SPATA13: variants seen among roughly 807,000 people sequenced by gnomAD.
SPATA13 encodes spermatogenesis associated 13, also known as spermatogenesis-associated protein 13.
SPATA13 carries 50 observed loss-of-function variants against 104.0 expected under a neutral mutation model. The ratio of observed to expected loss-of-function variants is 0.48; its 90% CI spans 0.38 to 0.61. The LOEUF (loss-of-function observed/expected upper bound fraction) is 0.61. SPATA13 is among the 20% of genes least tolerant of loss of function. The pLI, the probability that SPATA13 is intolerant of heterozygous loss-of-function variation, is 0.00. For missense variants in SPATA13, 1,524 were observed against 1,690.6 expected (o/e 0.90, Z 1.73); for synonymous variants, 606 against 667.5 (o/e 0.91, Z 1.42).
At chr13:24,212,850 C>T (rs1354661000) in intron 1 of SPATA13, among the ~76,000 whole-genome samples, 1 of 152,218 alleles carries the variant, frequency 6.6e-6, no homozygotes, top group East Asian at 1.9e-4. Flanking sequence ...GTGTTATTGA[C>T]CCCTGAAGTT....
At chr13:24,217,509 G>A (rs183757604) in intron 1 of SPATA13, among the ~76,000 whole-genome samples, 27 of 152,284 alleles carry the variant, frequency 1.8e-4, no homozygotes, top group African/African-American at 6.3e-4. Flanking sequence ...AATAAGACAA[G>A]GCTTCTGCCT....
intron 1 of SPATA13, among the ~76,000 whole-genome samples, chr13:24,195,156 T>G (rs1187747041): frequency 1.3e-5 from 2 of 152,176 alleles, no homozygotes; most frequent in Non-Finnish European, 2.9e-5. Flanking sequence ...GCCTCCTGTC[T>G]CTATGGATTT....
intron 3 of SPATA13, among the ~76,000 whole-genome samples, chr13:24,031,627 A>G (rs1877484945): frequency 6.6e-6 from 1 of 152,234 alleles, no homozygotes; most frequent in Non-Finnish European, 1.5e-5. Flanking sequence ...AGGTCAAACA[A>G]TGAACATACA....
intron 4 of SPATA13, among the ~76,000 whole-genome samples, chr13:24,268,217 A>G (rs1035160332): frequency 2.6e-5 from 4 of 152,230 alleles, no homozygotes; most frequent in Admixed American, 2.6e-4. Flanking sequence ...GGATATCCAA[A>G]AGGTAGATAC....
rs537572276 is a variant in SPATA13, at chr13:24,139,849, C to T, written c.-111-82970C>T. Reference sequence around the variant, plus strand: ...TTGGGAGGCCAAGGAGGGCGGATAACGAGGTCAGGAGATCTAGACCATCCT... The same window carrying T: ...TTGGGAGGCCAAGGAGGGCGGATAATGAGGTCAGGAGATCTAGACCATCCT... On this transcript the variant is annotated intron_variant, in intron 3 of 14. Transcript: ENST00000424834. Among the ~76,000 whole-genome samples the T allele has an allele frequency of 3.1e-3, 473 of 152,206 alleles. 4 individuals carry two copies. The highest frequency in any genetic ancestry group is 0.011 in the African/African-American group (438 of 41,518).
At chr13:24,034,547 G>T (rs1877608504) in intron 3 of SPATA13, 1 of 152,172 alleles carries the variant, frequency 6.6e-6, no homozygotes, top group Non-Finnish European at 1.5e-5. Context: ...TAACAAACCA[G>T]ACAACGCTTA....
intron 10 of SPATA13, 144 bp from the exon 11 acceptor site, chr13:24,297,219 A>C: frequency 1.1e-6 from 1 of 945,098 alleles, no homozygotes; most frequent in Non-Finnish European, 1.5e-6. Flanking sequence ...TTAAAATTTT[A>C]TGTGGAGATG....
At chr13:24,101,717 A>AGTG (rs1457065582) in intron 3 of SPATA13, among the ~76,000 whole-genome samples, 1 of 152,158 alleles carries the variant, frequency 6.6e-6, no homozygotes, top group Non-Finnish European at 1.5e-5. Flanking sequence ...CACCTATATA[A>AGTG]GTGGAATTGT....
chr13:24,071,728 T>C (rs958303372), intron 3 of SPATA13, among the ~76,000 whole-genome samples: 2 of 152,208 alleles, frequency 1.3e-5, no homozygotes, highest in African/African-American at 2.4e-5. Context: ...CATTGTATTC[T>C]AAGTAAGGGC....
chr13:24,231,117 A>G (rs1566163558), intron 2 of SPATA13, among the ~76,000 whole-genome samples: 2 of 152,148 alleles, frequency 1.3e-5, no homozygotes, highest in Admixed American at 1.3e-4. Context: ...AGACTAGGCC[A>G]CAGCTGATGG....
At chr13:24,059,192 C>T (rs965257035) in intron 3 of SPATA13, among the ~76,000 whole-genome samples, 6 of 151,566 alleles carry the variant, frequency 4.0e-5, no homozygotes, top group South Asian at 2.1e-4. Context: ...AGGATGGTCT[C>T]GATCTCCTGA....
chr13:24,189,299 G>C (rs111463756), intron 1 of SPATA13, among the ~76,000 whole-genome samples: 1 of 151,548 alleles, frequency 6.6e-6, no homozygotes, highest in African/African-American at 2.4e-5. Context: ...GTGAAACCCC[G>C]TCTCTACTAG....
chr13:24,154,830 C>G (rs1464299723), intron 3 of SPATA13, among the ~76,000 whole-genome samples: 1 of 152,162 alleles, frequency 6.6e-6, no homozygotes, highest in African/African-American at 2.4e-5. Context: ...GAATTCACTT[C>G]TTTGGAGCTG....
At chr13:23,983,089 T>C (rs1455295887) in intron 1 of SPATA13, among the ~76,000 whole-genome samples, 1 of 152,184 alleles carries the variant, frequency 6.6e-6, no homozygotes, top group Non-Finnish European at 1.5e-5. Context: ...CAGCCACTGT[T>C]CAAAAATGGG....
chr13:24,264,083 A>AT (rs61191748), intron 4 of SPATA13, among the ~76,000 whole-genome samples: 1 of 152,136 alleles, frequency 6.6e-6, no homozygotes, highest in Non-Finnish European at 1.5e-5. Flanking sequence ...TATCATCGAG[A>AT]TTTTTTAGAA....
intron 3 of SPATA13, among the ~76,000 whole-genome samples, chr13:24,045,273 C>G (rs1593296817): frequency 6.6e-6 from 1 of 152,166 alleles, no homozygotes; most frequent in East Asian, 1.9e-4. Context: ...AAGCTTAGAG[C>G]TAAATTTAAT....
At chr13:23,986,123 T>C (rs1875138393) in intron 2 of SPATA13, among the ~76,000 whole-genome samples, 1 of 152,236 alleles carries the variant, frequency 6.6e-6, no homozygotes. Context: ...GTGTTAGGTT[T>C]GCAAGTGTTT....
At position 24,136,978 on chromosome 13, in the gene SPATA13, C is replaced by T. The variant is rs1213093496; in HGVS notation, c.-111-85841C>T. 1.1e-4 allele frequency among the ~76,000 whole-genome samples: 11 copies of T among 102,112 alleles called. 3 individuals are homozygous for T. The highest frequency in any genetic ancestry group is 3.8e-4 in the African/African-American group (11 of 29,240). 67.0% of individuals were successfully genotyped at this position (102,112 alleles called of 152,430 possible). On this transcript the variant is annotated intron_variant, in intron 3 of 14. Transcript: ENST00000424834. ...CCGAGTAGCTGGGACTACAGGCGCCCGCCACTACGCCCGGCTAATTTTTTT... is the reference window on the plus strand; with the variant it reads ...CCGAGTAGCTGGGACTACAGGCGCCTGCCACTACGCCCGGCTAATTTTTTT...
chr13:24,006,085 G>A (rs1876213079), intron 2 of SPATA13, among the ~76,000 whole-genome samples: 2 of 152,222 alleles, frequency 1.3e-5, no homozygotes, highest in African/African-American at 2.4e-5. Flanking sequence ...AGTTTCCAGT[G>A]TGAGCTGCAG....
Sources: gnomAD v4.1 joint callset for allele counts (sites outside exome capture counted in the v4.1 genomes callset) on GRCh38, gnomAD v4.1.1 for gene constraint, MANE v1.5 for transcripts, NCBI Gene and HGNC (gene_info 2026-07-23, HGNC 2026-07-21) for gene names.